C2CD3: variants seen among roughly 807,000 people sequenced by gnomAD.
C2CD3 encodes the protein C2 domain-containing protein 3.
C2CD3 carries 148 observed loss-of-function variants against 234.0 expected under a neutral mutation model. The observed-to-expected ratio is 0.63, with a 90% CI of 0.55 to 0.72. C2CD3 has a LOEUF of 0.72. Ranked by LOEUF, C2CD3 falls within the 30% of genes least tolerant of loss-of-function variation. The probability of loss-of-function intolerance (pLI) is 0.00; values close to 1 mark genes in which losing one functional copy is unlikely to be tolerated. For missense variants in C2CD3, 2,577 were observed against 2,811.5 expected (o/e 0.92, Z 1.89); for synonymous variants, 1,000 against 1,035.4 (o/e 0.97, Z 0.66).
rs868091878 is a variant in C2CD3 at position 74,038,093 on chromosome 11, T to C, written c.5661-395A>G. Reference sequence around the variant, plus strand: ...ATTCCTGATCCTTCAGGCAAGCAACTTCTAAAAAGCCTTCCCTAAATTGGT... The same window carrying C: ...ATTCCTGATCCTTCAGGCAAGCAACCTCTAAAAAGCCTTCCCTAAATTGGT... On this transcript the variant is annotated intron_variant, in intron 29 of 32. Transcript: ENST00000334126. 2.6e-5 allele frequency among the ~76,000 whole-genome samples: 4 copies of C among 152,334 alleles called. No individual in the cohort carries two copies. In the Middle Eastern group the frequency reaches 0.01, roughly 389 times the overall value.
chr11:74,129,404 G>A lies in C2CD3; in HGVS notation c.1217+3440C>T, dbSNP rs564455193. 10 of 175,058 alleles carry A rather than the reference G, an allele frequency of 5.7e-5. No individual in the cohort carries two copies. In the East Asian group the frequency reaches 7.4e-4, roughly 13 times the overall value. 10.8% of individuals were successfully genotyped at this position (175,058 alleles called of 1,614,324 possible). ...GTCCTCACCTCCCAGACGGGGTCGC[G>A]GCCGGGCAGAGGCGCTCCTCACATC... is the stretch of plus-strand genomic sequence containing the variant. On this transcript the variant is annotated intron_variant, in intron 7 of 32. Coordinates refer to ENST00000334126, the MANE Select transcript of C2CD3 (RefSeq NM_001286577.2).
chr11:74,079,123 T>C (rs543796313), intron 22 of C2CD3, among the ~76,000 whole-genome samples: 22 of 152,306 alleles, frequency 1.4e-4, no homozygotes, highest in Admixed American at 6.5e-4. Context: ...ATGTTTATGG[T>C]ACTATGAGTG....
chr11:74,064,222 T>C (rs1954396657), intron 24 of C2CD3, among the ~76,000 whole-genome samples: 1 of 152,176 alleles, frequency 6.6e-6, no homozygotes, highest in Non-Finnish European at 1.5e-5. Flanking sequence ...ATAAGCAACT[T>C]CAGCAAAGTC....
chr11:74,118,416 C>T (rs2135518233), intron 8 of C2CD3, 34 bp from the exon 9 acceptor site: 1 of 1,577,848 alleles, frequency 6.3e-7, no homozygotes, highest in Non-Finnish European at 8.7e-7. Flanking sequence ...CACTAAATGA[C>T]TGCTGCTTTG....
In C2CD3 at chr11:74,114,392, T is replaced by C. The variant is rs1956855560; in HGVS notation, c.1722A>G (p.Ala574=). The C allele has an allele frequency of 3.1e-6, 5 of 1,613,386 alleles. No individual in the cohort carries two copies. In the East Asian group the frequency reaches 8.9e-5, roughly 29 times the overall value. The stretch of plus-strand genomic sequence containing the variant: ...TCATGTTAGAGACATACCGCTTTTT[T>C]GCTGTAGTCACCTTAGGTGGTGGAC... ...YAGPPPKVTT[A]KKRTFFVEYH... Residue 574 remains alanine, a synonymous_variant, in exon 10 of 33, where the codon GCA becomes GCG. Transcript: ENST00000334126.
intron 25 of C2CD3, among the ~76,000 whole-genome samples, chr11:74,056,901 A>T (rs1460824845): frequency 7.3e-6 from 1 of 136,874 alleles, no homozygotes; most frequent in South Asian, 2.3e-4. Context: ...CTTTATTGTA[A>T]TTTTTTTTTT....
chr11:74,089,660 T>C (rs1359968647), intron 20 of C2CD3, among the ~76,000 whole-genome samples: 1 of 152,210 alleles, frequency 6.6e-6, no homozygotes, highest in African/African-American at 2.4e-5. Flanking sequence ...CTAGTTCTCT[T>C]TCTTACTGGG....
At chr11:74,039,214 A>G (rs1023141701) in intron 29 of C2CD3, among the ~76,000 whole-genome samples, 1 of 152,084 alleles carries the variant, frequency 6.6e-6, no homozygotes, top group African/African-American at 2.4e-5. Context: ...GTGTAGAACC[A>G]TGTAGAACCA....
At position 74,170,864 on chromosome 11, in the gene C2CD3, TC is replaced by T; in HGVS notation, c.-73del. On this transcript the variant is annotated 5_prime_UTR_variant, in exon 1 of 33. Coordinates refer to ENST00000334126, the MANE Select transcript of C2CD3 (RefSeq NM_001286577.2). ...CTAAGCAGTATCCTCCCGCCATCCC[TC>T]CCCACGGCGCCTGCGTTCCCCGGCA... is the stretch of plus-strand genomic sequence containing the variant. The T allele has an allele frequency of 6.6e-7, 1 of 1,521,726 alleles. No individual in the cohort carries two copies. The allele number at this position is 1,521,726 out of a possible 1,614,324, so 94.3% of individuals were successfully genotyped here.
rs1318803005 is a variant in C2CD3, at chr11:74,051,080, A to G, written c.5156-1538T>C. ...GGAGGGAGGATTGCTTAAGGCCAAG[A>G]GTTCGAGACCAGTCTGTGCAACATA... On this transcript the variant is annotated intron_variant, in intron 26 of 32. Coordinates refer to ENST00000334126, the MANE Select transcript of C2CD3 (RefSeq NM_001286577.2). Among the ~76,000 whole-genome samples the G allele has an allele frequency of 1.3e-5, 2 of 151,296 alleles. 1 individual carries two copies. Among genetic ancestry groups the G allele is most frequent in the African/African-American group, 4.9e-5 (2 of 40,642 alleles).
At chr11:74,057,318 T>C (rs1055919004) in intron 25 of C2CD3, 88 bp downstream of exon 25, 6 of 1,383,108 alleles carry the variant, frequency 4.3e-6, no homozygotes, top group South Asian at 1.3e-5. Context: ...TGCTCAAAAA[T>C]TGTGTTGGTT....
At chr11:74,157,350 C>G (rs1856103220) in intron 3 of C2CD3, among the ~76,000 whole-genome samples, 1 of 152,074 alleles carries the variant, frequency 6.6e-6, no homozygotes, top group South Asian at 2.1e-4. Context: ...ATTCATGTGG[C>G]TTTTGAAACA....
At chr11:74,020,238 G>A (rs1591262448) in intron 32 of C2CD3, among the ~76,000 whole-genome samples, 1 of 152,246 alleles carries the variant, frequency 6.6e-6, no homozygotes, top group Non-Finnish European at 1.5e-5. Context: ...AAGACAGGCT[G>A]CTTCTTGTCC....
intron 32 of C2CD3, among the ~76,000 whole-genome samples, chr11:74,014,251 G>C (rs1261382503): frequency 6.6e-6 from 1 of 152,212 alleles, no homozygotes; most frequent in Non-Finnish European, 1.5e-5. Flanking sequence ...CTGGCTGAGA[G>C]CAAGGCCCTG....
At chr11:74,034,874 C>A (rs1236727839) in intron 30 of C2CD3, among the ~76,000 whole-genome samples, 2 of 152,220 alleles carry the variant, frequency 1.3e-5, no homozygotes, top group East Asian at 3.8e-4. Flanking sequence ...GCCTATTGAT[C>A]TGTACAGTGT....
chr11:74,051,491 G>C (rs1434715061), intron 26 of C2CD3, among the ~76,000 whole-genome samples: 1 of 152,136 alleles, frequency 6.6e-6, no homozygotes, highest in Admixed American at 6.5e-5. Context: ...GCAGATCACA[G>C]AGAAAAGGAA....
At chr11:74,127,921 G>A (rs1443204785) in intron 7 of C2CD3, among the ~76,000 whole-genome samples, 2 of 151,322 alleles carry the variant, frequency 1.3e-5, no homozygotes, top group African/African-American at 2.4e-5. Context: ...GGAGTGTAGT[G>A]GCGCGATCTC....
intron 17 of C2CD3, 72 bp downstream of exon 17, chr11:74,095,156 A>G: frequency 9.2e-7 from 1 of 1,081,794 alleles, no homozygotes; most frequent in Non-Finnish European, 1.2e-6. Flanking sequence ...TTCACTCAGA[A>G]AAAAAAAACT....
chr11:74,037,445 T>C (rs778933010), intron 30 of C2CD3, 33 bp downstream of exon 30: 6 of 1,540,286 alleles, frequency 3.9e-6, no homozygotes, highest in Non-Finnish European at 4.5e-6. Context: ...CTAGTGACCA[T>C]AACATCTCAA....
Sources: allele counts gnomAD v4.1 joint callset (sites outside exome capture counted in the v4.1 genomes callset), GRCh38; gene constraint gnomAD v4.1.1; transcripts MANE v1.5; gene names NCBI Gene and HGNC (gene_info 2026-07-23, HGNC 2026-07-21).